AK6: variants seen among roughly 807,000 people sequenced by gnomAD.
AK6 encodes the protein adenylate kinase 6.
A neutral mutation model predicts 23.7 loss-of-function variants in AK6; 24 were observed. The ratio of observed to expected loss-of-function variants is 1.01; its 90% CI spans 0.73 to 1.43. The LOEUF (loss-of-function observed/expected upper bound fraction) is 1.43, where lower values mean the gene tolerates loss of function less well. Ranked by LOEUF, AK6 falls within the 40% of genes most tolerant of loss-of-function variation. AK6 has a pLI of 0.00. For missense variants in AK6, 191 were observed against 199.1 expected, an observed-to-expected ratio of 0.96 and a Z score of 0.24; for synonymous variants, 73 against 69.8, an observed-to-expected ratio of 1.05 and a Z score of -0.23.
At chr5:69,366,756 A>T in intron 1 of AK6, 161 bp from the exon 2 acceptor site, 1 of 607,538 alleles carries the variant, frequency 1.6e-6, no homozygotes, top group South Asian at 2.1e-5. Context: ...ATTAGCAATC[A>T]TATGTAAAAT....
chr5:69,366,756 A>G (rs1762444840), intron 1 of AK6, 161 bp from the exon 2 acceptor site: 2 of 607,420 alleles, frequency 3.3e-6, no homozygotes, highest in Non-Finnish European at 5.8e-6. Flanking sequence ...ATTAGCAATC[A>G]TATGTAAAAT....
chr5:69,354,032 A>T (rs1762019056), intron 4 of AK6, among the ~76,000 whole-genome samples: 1 of 152,068 alleles, frequency 6.6e-6, no homozygotes, highest in Non-Finnish European at 1.5e-5. Flanking sequence ...CAGCCTCCCA[A>T]ATTGCTGGGA....
At chr5:69,359,626 T>G (rs1762176859) in intron 2 of AK6, among the ~76,000 whole-genome samples, 1 of 152,220 alleles carries the variant, frequency 6.6e-6, no homozygotes, top group South Asian at 2.1e-4. Context: ...AATCATGACA[T>G]TATGTTTAAC....
intron 2 of AK6, among the ~76,000 whole-genome samples, chr5:69,360,309 G>A (rs551355056): frequency 7.9e-5 from 12 of 152,268 alleles, no homozygotes; most frequent in South Asian, 2.1e-4. Context: ...GGGATGTGTA[G>A]GAGAAACCGT....
At chr5:69,361,602 CTGATT>C (rs1165101533) in intron 2 of AK6, among the ~76,000 whole-genome samples, 5 of 150,768 alleles carry the variant, frequency 3.3e-5, no homozygotes, top group Middle Eastern at 3.4e-3. Context: ...CAACGCCGGA[CTGATT>C]TTTTTTTTTT....
At chr5:69,369,604 C>T, upstream of AK6, 1 of 1,584,636 alleles carries the variant, frequency 6.3e-7, no homozygotes, top group South Asian at 1.1e-5. Flanking sequence ...CCCCGAAGCC[C>T]ACCGCGGCGC....
At chr5:69,362,211 T>C (rs1762259966) in intron 2 of AK6, among the ~76,000 whole-genome samples, 1 of 152,144 alleles carries the variant, frequency 6.6e-6, no homozygotes, top group Non-Finnish European at 1.5e-5. Context: ...TAATTGTTAC[T>C]AAGGGAGACA....
intron 1 of AK6, 125 bp downstream of exon 1, chr5:69,369,338 C>T (rs1432462578): frequency 1.9e-6 from 2 of 1,077,632 alleles, no homozygotes; most frequent in Non-Finnish European, 2.5e-6. Flanking sequence ...CTGACAACCG[C>T]CTCGTGGCCC....
rs75476058 is a variant in AK6, at chr5:69,366,114, C to A, written c.121+389G>T. Among the ~76,000 whole-genome samples the A allele has an allele frequency of 1.8e-4, 28 of 152,348 alleles. No homozygotes were observed. The East Asian group carries it at 4.8e-3, about 26-fold the overall frequency. On this transcript the variant is annotated intron_variant, in intron 2 of 4. Transcript: ENST00000380822. Reference sequence around the variant, plus strand: ...GATACCATAGCATAGTCAGGTCCCACACCTGAGCTCAAAACAGTCTCTTTC... The same window carrying A: ...GATACCATAGCATAGTCAGGTCCCAAACCTGAGCTCAAAACAGTCTCTTTC...
In AK6 at chr5:69,357,410, T is replaced by C. The variant is rs145615156; in HGVS notation, c.122-1457A>G. 2.0e-5 allele frequency among the ~76,000 whole-genome samples: 3 copies of C among 152,294 alleles called. No individual in the cohort carries two copies. In the East Asian group the frequency reaches 5.8e-4, roughly 29 times the overall value. ...CTTACTTTATACCACAAACCCCAGA[T>C]GGAGCTATAAAGGAATGATTCATTT... On this transcript the variant is annotated intron_variant, in intron 2 of 4. Transcript: ENST00000380822.
intron 4 of AK6, among the ~76,000 whole-genome samples, chr5:69,354,922 T>A (rs971483264): frequency 6.6e-6 from 1 of 152,146 alleles, no homozygotes; most frequent in Non-Finnish European, 1.5e-5. Context: ...ACCTCCCAGG[T>A]TCACGTCGTT....
rs935404538 is a variant in AK6, at chr5:69,364,834, A to G, written c.121+1669T>C. The G allele has an allele frequency of 3.1e-6, 3 of 957,864 alleles. No individual in the cohort carries two copies. The African/African-American group carries it at 4.9e-5, about 16-fold the overall frequency. The allele number at this position is 957,864 out of a possible 1,614,324, so 59.3% of individuals were successfully genotyped here. On this transcript the variant is annotated intron_variant, in intron 2 of 4. Transcript: ENST00000380822. ...AAAAGTATGGTAACTGTGTTTACTC[A>G]TTATTATTAGTTTTCTAAAACACAA...
intron 2 of AK6, among the ~76,000 whole-genome samples, chr5:69,364,440 G>A (rs889787410): frequency 6.6e-6 from 1 of 152,076 alleles, no homozygotes; most frequent in Non-Finnish European, 1.5e-5. Flanking sequence ...AGGAAGTTGG[G>A]CAATTGAGGA....
chr5:69,351,411 C>T lies in AK6; in HGVS notation c.*650G>A, dbSNP rs1259196169. ...AAAAAAAAGAACAGGGAGGTCTGTA[C>T]TGAGATGATATAATCTTCAAATATA... On this transcript the variant is annotated 3_prime_UTR_variant, in exon 5 of 5. Coordinates refer to ENST00000380822, the MANE Select transcript of AK6 (RefSeq NM_016283.5). 1 of 152,010 alleles carries T rather than the reference C, an allele frequency of 6.6e-6. No individual in the cohort carries two copies. The highest frequency in any genetic ancestry group is 6.6e-5 in the Admixed American group (1 of 15,240). The allele number at this position is 152,010 out of a possible 1,614,324, so 9.4% of individuals were successfully genotyped here. A position where few individuals can be genotyped will look rare whatever the true frequency, so the allele number is the denominator to read the frequency against.
intron 2 of AK6, among the ~76,000 whole-genome samples, chr5:69,362,431 AAT>A (rs1320054024): frequency 6.6e-6 from 1 of 152,224 alleles, no homozygotes; most frequent in Non-Finnish European, 1.5e-5. Context: ...GTTGCCCCAG[AAT>A]ATTTCCAGAT....
intron 2 of AK6, among the ~76,000 whole-genome samples, chr5:69,356,956 G>T (rs567705875): frequency 5.3e-5 from 8 of 152,282 alleles, no homozygotes; most frequent in African/African-American, 1.9e-4. Context: ...CAGGAGGTAA[G>T]ACATACCATC....
Position 69,353,366 on chromosome 5 carries a change from C to T in AK6, c.327-1113G>A, listed in dbSNP as rs969812425. Among the ~76,000 whole-genome samples the T allele has an allele frequency of 4.0e-5, 6 of 151,488 alleles. No homozygotes were observed. In the East Asian group the frequency reaches 5.8e-4, roughly 15 times the overall value. ...AGGCTGGAGTGCAGTGGTGTGATCT[C>T]GGCTCACTGCAACCTCCACCTTCCG... On this transcript the variant is annotated intron_variant, in intron 4 of 4. Coordinates refer to ENST00000380822, the MANE Select transcript of AK6 (RefSeq NM_016283.5).
In AK6 at chr5:69,351,199, ATGTT is replaced by A. The variant is rs1216264961; in HGVS notation, c.*858_*861del. 1 of 152,082 alleles carries A rather than the reference ATGTT, an allele frequency of 6.6e-6. No individual in the cohort carries two copies. Among genetic ancestry groups the A allele is most frequent in the Admixed American group, 6.6e-5 (1 of 15,252 alleles). The allele number at this position is 152,082 out of a possible 1,614,324, so 9.4% of individuals were successfully genotyped here. A position where few individuals can be genotyped will look rare whatever the true frequency, so the allele number is the denominator to read the frequency against. On this transcript the variant is annotated 3_prime_UTR_variant, in exon 5 of 5. Transcript: ENST00000380822. ...AACCAACGGATTATAAATTTTATTT[ATGTT>A]TATTTTTAGAGTCTAAGGTCTCACT...
upstream of AK6, chr5:69,369,795 G>T: frequency 7.7e-7 from 1 of 1,301,988 alleles, no homozygotes; most frequent in Non-Finnish European, 1.1e-6. Context: ...GCGCCGACCA[G>T]TCTGGAAGGT....
Sources: gnomAD v4.1 joint callset for allele counts (sites outside exome capture counted in the v4.1 genomes callset) on GRCh38, gnomAD v4.1.1 for gene constraint, MANE v1.5 for transcripts, NCBI Gene and HGNC (gene_info 2026-07-23, HGNC 2026-07-21) for gene names.